The following GPR139 variants were observed in gnomAD, a reference collection of about 807,000 sequenced individuals.
GPR139 encodes the protein G protein-coupled receptor 139.
GPR139 carries 12 observed loss-of-function variants against 25.8 expected under a neutral mutation model. That is an observed-to-expected ratio of 0.47 (90% CI 0.30 to 0.75). The LOEUF is 0.75. Among genes scored for constraint, GPR139 ranks in the 30% least tolerant of loss-of-function variants. The probability of loss-of-function intolerance (pLI) is 0.07; values close to 1 mark genes in which losing one functional copy is unlikely to be tolerated. For missense variants in GPR139, 380 were observed against 450.2 expected (o/e 0.84, Z 1.41); for synonymous variants, 184 against 179.9 (o/e 1.02, Z -0.18).
At chr16:20,037,828 G>T (rs1326389825) in intron 1 of GPR139, among the ~76,000 whole-genome samples, 1 of 152,152 alleles carries the variant, frequency 6.6e-6, no homozygotes, top group East Asian at 1.9e-4. Context: ...GGTTGCCCCT[G>T]ACTTAGAAAA....
chr16:20,062,180 G>A (rs1415408928), intron 1 of GPR139, among the ~76,000 whole-genome samples: 1 of 152,212 alleles, frequency 6.6e-6, no homozygotes, highest in African/African-American at 2.4e-5. Context: ...CTACTGCAAA[G>A]GATTGAATGT....
Position 20,073,808 on chromosome 16 carries a change from C to A in GPR139, c.-192G>T, listed in dbSNP as rs1438667457. ...CGCACCTGCCCGCCTGGAGTCTTGG[C>A]TCAGCCCTCCCGCAGGGCGCGGGGC... On this transcript the variant is annotated 5_prime_UTR_variant, in exon 1 of 2. Transcript: ENST00000570682. This position sits in a 1 kb window ranked among gnomAD's most constrained non-coding sequence, Gnocchi z 4.7. 3.0e-5 allele frequency: 21 copies of A among 695,276 alleles called. No individual in the cohort carries two copies. Among genetic ancestry groups the A allele is most frequent in the Non-Finnish European group, 4.6e-5 (21 of 461,096 alleles). The allele number at this position is 695,276 out of a possible 1,614,324, so 43.1% of individuals were successfully genotyped here.
chr16:20,044,003 G>C (rs1037926008), intron 1 of GPR139, among the ~76,000 whole-genome samples: 1 of 152,156 alleles, frequency 6.6e-6, no homozygotes, highest in African/African-American at 2.4e-5. Flanking sequence ...ATGAGATTTG[G>C]ATTCCTTACC....
intron 1 of GPR139, among the ~76,000 whole-genome samples, chr16:20,059,029 G>C (rs1164458027): frequency 6.6e-6 from 1 of 152,176 alleles, no homozygotes; most frequent in Non-Finnish European, 1.5e-5. Context: ...AGGTGATGGT[G>C]GCTGGGGTGG....
chr16:20,058,598 C>T lies in GPR139; in HGVS notation c.127+14892G>A, dbSNP rs544992297. 2.6e-5 allele frequency among the ~76,000 whole-genome samples: 4 copies of T among 152,330 alleles called. No individual in the cohort carries two copies. In the South Asian group the frequency reaches 8.3e-4, roughly 32 times the overall value. ...TTCTGCGAGCTATGTCTGCCATTTT[C>T]AAGATGTCCTTGGAATCTCCACCTT... On this transcript the variant is annotated intron_variant, in intron 1 of 1. Transcript: ENST00000570682.
Position 20,030,326 on chromosome 16 carries a change from A to C in GPR139, c.*1409T>G, listed in dbSNP as rs2057283166. Among the ~76,000 whole-genome samples, 1 of 152,160 alleles carries C rather than the reference A, an allele frequency of 6.6e-6. No individual in the cohort carries two copies. Among genetic ancestry groups the C allele is most frequent in the Non-Finnish European group, 1.5e-5 (1 of 68,042 alleles). Reference sequence around the variant, plus strand: ...CATGCAATTTCAAAGTCAGTTTGGCAAATTTATTCCAAAACAGGGATGAAT... The same window carrying C: ...CATGCAATTTCAAAGTCAGTTTGGCCAATTTATTCCAAAACAGGGATGAAT... On this transcript the variant is annotated 3_prime_UTR_variant, in exon 2 of 2. Coordinates refer to ENST00000570682, the MANE Select transcript of GPR139 (RefSeq NM_001002911.4).
Position 20,032,552 on chromosome 16 carries a change from A to C in GPR139, c.245T>G (p.Phe82Cys). The C allele has an allele frequency of 6.2e-7, 1 of 1,614,194 alleles. No individual in the cohort carries two copies. The highest frequency in any genetic ancestry group is 8.5e-7 in the Non-Finnish European group (1 of 1,180,028). ...ADILVLFFIV[F>C]VDFLLEDFIL... Reference sequence around the variant, plus strand: ...GAAATCTTCCAACAGGAAGTCCACAAACACTATGAAAAAGAGGACCAAGAT... The same window carrying C: ...GAAATCTTCCAACAGGAAGTCCACACACACTATGAAAAAGAGGACCAAGAT... The change falls in exon 2 of 2, where the codon TTT becomes TGT. Residue 82 changes from phenylalanine (F) to cysteine (C), a missense_variant. Coordinates refer to ENST00000570682, the MANE Select transcript of GPR139 (RefSeq NM_001002911.4).
At chr16:20,043,203 C>A (rs1445390051) in intron 1 of GPR139, among the ~76,000 whole-genome samples, 1 of 152,216 alleles carries the variant, frequency 6.6e-6, no homozygotes, top group South Asian at 2.1e-4. Flanking sequence ...TCAGCCTTGC[C>A]AACCAATTGA....
At chr16:20,051,429 G>A (rs1036121397) in intron 1 of GPR139, among the ~76,000 whole-genome samples, 1 of 152,206 alleles carries the variant, frequency 6.6e-6, no homozygotes, top group African/African-American at 2.4e-5. Flanking sequence ...TGGACATTCT[G>A]TTCCACCATG....
In GPR139 at chr16:20,073,845, G is replaced by A. The variant is rs570251087; in HGVS notation, c.-229C>T. ...GCAGGGCGCGGGGCGCAGGGTGCGG[G>A]GCGCGCTGCGCGGGGCCTCGGGAGG... On this transcript the variant is annotated 5_prime_UTR_variant, in exon 1 of 2. Transcript: ENST00000570682. The surrounding 1 kb of genome is among the most constrained non-coding windows in gnomAD (Gnocchi z 4.7). 2.8e-4 allele frequency: 139 copies of A among 504,826 alleles called. 2 individuals carry two copies. The South Asian group carries it at 4.7e-3, about 17-fold the overall frequency. 31.3% of individuals were successfully genotyped at this position (504,826 alleles called of 1,614,324 possible).
At chr16:20,052,280 A>G (rs2141209121) in intron 1 of GPR139, among the ~76,000 whole-genome samples, 1 of 152,314 alleles carries the variant, frequency 6.6e-6, no homozygotes, top group South Asian at 2.1e-4. Flanking sequence ...AATCTTGCCT[A>G]TGACAAAACA....
At chr16:20,058,630 G>A (rs1378142005) in intron 1 of GPR139, among the ~76,000 whole-genome samples, 3 of 152,128 alleles carry the variant, frequency 2.0e-5, no homozygotes, top group Admixed American at 2.0e-4. Context: ...CCTTGGACTT[G>A]GGGTCATTAT....
chr16:20,047,929 G>A (rs984002806), intron 1 of GPR139, among the ~76,000 whole-genome samples: 16 of 152,172 alleles, frequency 1.1e-4, no homozygotes, highest in Admixed American at 7.2e-4. Context: ...TACAGGGAAA[G>A]TGCCCGGTGC....
rs865833908 is a variant in GPR139 at position 20,041,239 on chromosome 16, A to G, written c.128-8570T>C. On this transcript the variant is annotated intron_variant, in intron 1 of 1. Transcript: ENST00000570682. ...AGGAGAGGAGAGGAGAGGAGAGGAGAGGAGAGGAGAGGGAAGGAGAAAAGA... is the reference window on the plus strand; with the variant it reads ...AGGAGAGGAGAGGAGAGGAGAGGAGGGGAGAGGAGAGGGAAGGAGAAAAGA... Among the ~76,000 whole-genome samples, 21 of 5,686 alleles carry G rather than the reference A, an allele frequency of 3.7e-3. 9 individuals are homozygous for G. The highest frequency in any genetic ancestry group is 0.036 in the Middle Eastern group (1 of 28). The allele number at this position is 5,686 out of a possible 152,430, so 3.7% of individuals were successfully genotyped here.
chr16:20,037,524 G>A (rs144768942), intron 1 of GPR139, among the ~76,000 whole-genome samples: 6 of 152,160 alleles, frequency 3.9e-5, no homozygotes, highest in Non-Finnish European at 7.4e-5. Context: ...GTGGGAAAAG[G>A]ATTCTAGGCA....
chr16:20,060,926 C>T (rs2057410677), intron 1 of GPR139, among the ~76,000 whole-genome samples: 1 of 152,136 alleles, frequency 6.6e-6, no homozygotes, highest in South Asian at 2.1e-4. Flanking sequence ...TTGAGGGGAG[C>T]TTTCCTTGAG....
At chr16:20,040,829 G>T (rs191908637) in intron 1 of GPR139, among the ~76,000 whole-genome samples, 4 of 152,226 alleles carry the variant, frequency 2.6e-5, no homozygotes, top group Non-Finnish European at 5.9e-5. Flanking sequence ...GTGAAGAAGA[G>T]CAGGCCACTC....
chr16:20,065,101 T>G (rs1467168226), intron 1 of GPR139, among the ~76,000 whole-genome samples: 1 of 152,150 alleles, frequency 6.6e-6, no homozygotes, highest in Non-Finnish European at 1.5e-5. Context: ...TTTTTGGTGC[T>G]TGTTGCAGCT....
rs1211735212 is a variant in GPR139, at chr16:20,028,539, A to AT, written c.*3195dup. ...CATTCTCTGAACTGGAATAGCCAAC[A>AT]TTAGAGTCTTTTATTCACTTCGGGT... is the stretch of plus-strand genomic sequence containing the variant. On this transcript the variant is annotated 3_prime_UTR_variant, in exon 2 of 2. Coordinates refer to ENST00000570682, the MANE Select transcript of GPR139 (RefSeq NM_001002911.4). Among the ~76,000 whole-genome samples the AT allele has an allele frequency of 6.6e-6, 1 of 152,148 alleles. No homozygotes were observed. Among genetic ancestry groups the AT allele is most frequent in the African/African-American group, 2.4e-5 (1 of 41,426 alleles).
Sources: gnomAD v4.1 joint callset for allele counts (sites outside exome capture counted in the v4.1 genomes callset) on GRCh38, gnomAD v4.1.1 for gene constraint, Gnocchi (gnomAD v3.1) non-coding constraint, MANE v1.5 for transcripts, NCBI Gene and HGNC (gene_info 2026-07-23, HGNC 2026-07-21) for gene names.